The following ZNF608 variants were observed in gnomAD, a reference collection of about 807,000 sequenced individuals.
ZNF608 encodes zinc finger protein 608.
ZNF608 carries 12 observed loss-of-function variants against 109.0 expected under a neutral mutation model. The ratio of observed to expected loss-of-function variants is 0.11; its 90% confidence interval spans 0.07 to 0.18. The LOEUF (loss-of-function observed/expected upper bound fraction) is 0.18, where lower values mean the gene tolerates loss of function less well. Ranked by LOEUF, ZNF608 falls within the 10% of genes least tolerant of loss-of-function variation. The pLI, the probability that ZNF608 is intolerant of heterozygous loss-of-function variation, is 1.00. For synonymous variants in ZNF608, 732 were observed against 717.4 expected (o/e 1.02, Z -0.33); for missense variants, 1,707 against 1,879.3 (o/e 0.91, Z 1.70).
At chr5:124,739,454 G>T (rs948417835) in intron 2 of ZNF608, among the ~76,000 whole-genome samples, 4 of 152,212 alleles carry the variant, frequency 2.6e-5, no homozygotes, top group African/African-American at 9.7e-5. Context: ...GCTGACCAGA[G>T]TTGGCGTGAG....
intron 3 of ZNF608, among the ~76,000 whole-genome samples, chr5:124,697,216 G>A (rs1752884030): frequency 1.3e-5 from 1 of 78,004 alleles, no homozygotes. Context: ...TATGTTCTCA[G>A]GTAAGGCCAA....
intron 2 of ZNF608, among the ~76,000 whole-genome samples, chr5:124,738,891 C>T (rs1489276277): frequency 6.6e-6 from 1 of 152,172 alleles, no homozygotes; most frequent in Non-Finnish European, 1.5e-5. Flanking sequence ...GCTGCCACCA[C>T]GTTAAAAAAC....
At chr5:124,742,636 A>C (rs1004098208) in intron 2 of ZNF608, among the ~76,000 whole-genome samples, 13 of 152,354 alleles carry the variant, frequency 8.5e-5, no homozygotes, top group African/African-American at 3.1e-4. Context: ...AATGTACCTG[A>C]CCAAGAGGAT....
chr5:124,666,707 CTCTGTGTGTGTGTG>C (rs1421891504), intron 3 of ZNF608, among the ~76,000 whole-genome samples: 81 of 126,822 alleles, frequency 6.4e-4, no homozygotes, highest in African/African-American at 2.4e-3. Context: ...ACTGGGTTTG[CTCTGTGTGTGTGTG>C]TGTGTGTGTG....
intron 9 of ZNF608, 35 bp downstream of exon 9, chr5:124,639,098 A>C (rs371400621): frequency 5.0e-6 from 8 of 1,591,274 alleles, no homozygotes; most frequent in African/African-American, 1.3e-5. Flanking sequence ...AGATATTTCT[A>C]TCTACAACTA....
chr5:124,706,078 T>C (rs940279932), intron 2 of ZNF608, among the ~76,000 whole-genome samples: 4 of 152,198 alleles, frequency 2.6e-5, no homozygotes, highest in African/African-American at 9.7e-5. Flanking sequence ...ACAAGGATAA[T>C]TGTAGAACTA....
chr5:124,657,784 C>G (rs767660285), intron 3 of ZNF608, among the ~76,000 whole-genome samples: 2 of 152,050 alleles, frequency 1.3e-5, no homozygotes, highest in Non-Finnish European at 2.9e-5. Context: ...TATGTTCTAC[C>G]AAGCAAGTGT....
In ZNF608 at chr5:124,649,072, C is replaced by T. The variant is rs1408298730; in HGVS notation, c.1312G>A (p.Ala438Thr). The T allele has an allele frequency of 6.2e-7, 1 of 1,612,178 alleles. No homozygotes were observed. ...CCCGGGGCAGCAGCAGCAGACCTCG[C>T]TCTCTTCCCTCTGCCCCGGCCCCCT... ...MRGGRGRGKR[A>T]RSAAAAPGSE... Residue 438 changes from alanine to threonine, a missense_variant, in exon 5 of 10, where the codon GCG (alanine) becomes ACG (threonine). Around this residue, in one of 7 missense-constraint regions of ZNF608, gnomAD observed 166 missense variants for 204.2 expected, o/e 0.81. Transcript: ENST00000513986.
chr5:124,668,594 A>T lies in ZNF608; in HGVS notation c.1163-18897T>A, dbSNP rs568031146. Among the ~76,000 whole-genome samples, 7 of 152,232 alleles carry T rather than the reference A, an allele frequency of 4.6e-5. No individual in the cohort carries two copies. The South Asian group carries it at 1.5e-3, about 32-fold the overall frequency. The stretch of plus-strand genomic sequence containing the variant: ...TCTCTAACTTTCTTCTCTTCCAGTG[A>T]TCCTTTGCCCCCACACAGCAGCCTC... On this transcript the variant is annotated intron_variant, in intron 3 of 9. Coordinates refer to ENST00000513986, the MANE Select transcript of ZNF608 (RefSeq NM_020747.3).
At chr5:124,698,656 G>C (rs2149846689) in intron 3 of ZNF608, among the ~76,000 whole-genome samples, 1 of 152,304 alleles carries the variant, frequency 6.6e-6, no homozygotes, top group African/African-American at 2.4e-5. Context: ...AACTGGTGAG[G>C]CTTTATGTAT....
At chr5:124,707,468 G>A (rs1027349126) in intron 2 of ZNF608, among the ~76,000 whole-genome samples, 8 of 152,116 alleles carry the variant, frequency 5.3e-5, no homozygotes, top group African/African-American at 9.7e-5. Flanking sequence ...CCTCAATCCC[G>A]GGATCACCAA....
At chr5:124,708,894 C>A (rs187238015) in intron 2 of ZNF608, 4 of 419,476 alleles carry the variant, frequency 9.5e-6, no homozygotes, top group South Asian at 6.9e-5. Context: ...ATCCAAGGCC[C>A]GGTGCAGTGG....
At chr5:124,692,935 T>C (rs1170999547) in intron 3 of ZNF608, among the ~76,000 whole-genome samples, 1 of 152,172 alleles carries the variant, frequency 6.6e-6, no homozygotes, top group Non-Finnish European at 1.5e-5. Flanking sequence ...AAAACATACA[T>C]GTTTACACAT....
Position 124,746,293 on chromosome 5 carries a change from C to G in ZNF608, c.-282G>C, listed in dbSNP as rs1254575431. The G allele has an allele frequency of 3.0e-6, 3 of 985,196 alleles. No individual in the cohort carries two copies. Among genetic ancestry groups the G allele is most frequent in the African/African-American group, 1.7e-5 (1 of 57,174 alleles). The allele number at this position is 985,196 out of a possible 1,614,324, so 61.0% of individuals were successfully genotyped here. On this transcript the variant is annotated 5_prime_UTR_variant, in exon 1 of 10. Transcript: ENST00000513986. ...CCTGTGCCTCATTTTACTTAAACAC[C>G]AAATGATCAAGAAGGAAGAAACCAA...
chr5:124,737,763 G>A (rs954985471), intron 2 of ZNF608, among the ~76,000 whole-genome samples: 1 of 152,176 alleles, frequency 6.6e-6, no homozygotes, highest in African/African-American at 2.4e-5. Flanking sequence ...TATGCAAGAG[G>A]TTGCATATCC....
intron 3 of ZNF608, among the ~76,000 whole-genome samples, chr5:124,676,233 C>T (rs957984403): frequency 2.0e-5 from 3 of 152,050 alleles, no homozygotes; most frequent in South Asian, 2.1e-4. Context: ...ATCTGAGGGG[C>T]GAGTGCAAAC....
rs1298691520 is a variant in ZNF608 at position 124,726,901 on chromosome 5, G to A, written c.906+17183C>T. 3.9e-5 allele frequency among the ~76,000 whole-genome samples: 6 copies of A among 152,116 alleles called. No individual in the cohort carries two copies. The East Asian group carries it at 1.2e-3, about 29-fold the overall frequency. On this transcript the variant is annotated intron_variant, in intron 2 of 9. Coordinates refer to ENST00000513986, the MANE Select transcript of ZNF608 (RefSeq NM_020747.3). Reference sequence around the variant, plus strand: ...AGAAACAGACTAGGAAGCATCTCCAGACAAAAAAAAAGTGCAAACATCCAA... The same window carrying A: ...AGAAACAGACTAGGAAGCATCTCCAAACAAAAAAAAAGTGCAAACATCCAA...
chr5:124,643,451 G>T, intron 7 of ZNF608, 60 bp downstream of exon 7: 1 of 1,534,336 alleles, frequency 6.5e-7, no homozygotes, highest in Non-Finnish European at 9.0e-7. Flanking sequence ...CTGTTCTCTA[G>T]CTTGTTCCCC....
At chr5:124,639,431 G>A (rs950200024) in intron 8 of ZNF608, among the ~76,000 whole-genome samples, 16 of 152,194 alleles carry the variant, frequency 1.1e-4, no homozygotes, top group Admixed American at 5.2e-4. Flanking sequence ...ATAGCTATTC[G>A]AAGGAGATAC....
Sources: gnomAD v4.1 joint callset for allele counts (sites outside exome capture counted in the v4.1 genomes callset) on GRCh38, gnomAD v4.1.1 for gene constraint, gnomAD v4.1.1 regional missense constraint, MANE v1.5 for transcripts, NCBI Gene and HGNC (gene_info 2026-07-23, HGNC 2026-07-21) for gene names.